The following TRIM44 variants were observed in gnomAD, a reference collection of about 807,000 sequenced individuals.
The protein encoded by TRIM44 is tripartite motif-containing protein 44.
TRIM44 carries 13 observed loss-of-function variants against 37.4 expected under a neutral mutation model. The ratio of observed to expected loss-of-function variants is 0.35; its 90% CI spans 0.23 to 0.55. The LOEUF (loss-of-function observed/expected upper bound fraction) is 0.55. TRIM44 is among the 20% of genes least tolerant of loss of function. TRIM44 has a pLI of 0.89. For missense variants in TRIM44, 426 were observed against 437.2 expected (o/e 0.97, Z 0.23); for synonymous variants, 175 against 157.2 (o/e 1.11, Z -0.85).
intron 2 of TRIM44, among the ~76,000 whole-genome samples, chr11:35,721,876 G>C (rs1487404332): frequency 6.6e-6 from 1 of 152,204 alleles, no homozygotes; most frequent in Non-Finnish European, 1.5e-5. Flanking sequence ...AAAGACACAA[G>C]AAATAGGAGA....
intron 2 of TRIM44, among the ~76,000 whole-genome samples, chr11:35,708,667 A>T (rs1409176216): frequency 1.3e-5 from 2 of 151,716 alleles, no homozygotes; most frequent in Non-Finnish European, 2.9e-5. Context: ...AAGAACAAAA[A>T]ACCAAACACT....
chr11:35,810,602 A>T lies in TRIM44; in HGVS notation c.*4217A>T, dbSNP rs1472247908. 1.3e-5 allele frequency: 2 copies of T among 152,230 alleles called. No individual in the cohort carries two copies. The highest frequency in any genetic ancestry group is 2.9e-5 in the Non-Finnish European group (2 of 68,054). The allele number at this position is 152,230 out of a possible 1,614,324, so 9.4% of individuals were successfully genotyped here. A position where few individuals can be genotyped will look rare whatever the true frequency, so the allele number is the denominator to read the frequency against. On this transcript the variant is annotated 3_prime_UTR_variant, in exon 5 of 5. Transcript: ENST00000299413. ...TAATTTGGAACTGAGAACATACCAGAAACAGCAGAACGAGGGCCAGAGCAG... is the reference window on the plus strand; with the variant it reads ...TAATTTGGAACTGAGAACATACCAGTAACAGCAGAACGAGGGCCAGAGCAG...
Position 35,704,242 on chromosome 11 carries a change from A to G in TRIM44, c.747+18906A>G, listed in dbSNP as rs1412364838. Among the ~76,000 whole-genome samples the G allele has an allele frequency of 2.0e-5, 3 of 152,246 alleles. No individual in the cohort carries two copies. The East Asian group carries it at 5.8e-4, about 29-fold the overall frequency. The stretch of plus-strand genomic sequence containing the variant: ...ATAAAAAGGAACGAACAAAGCCTCC[A>G]TGAAATATGGGACTATGTGAAAAGA... On this transcript the variant is annotated intron_variant, in intron 2 of 4. Coordinates refer to ENST00000299413, the MANE Select transcript of TRIM44 (RefSeq NM_017583.6).
chr11:35,747,163 A>G (rs1374334659), intron 4 of TRIM44, among the ~76,000 whole-genome samples: 1 of 152,206 alleles, frequency 6.6e-6, no homozygotes, highest in Non-Finnish European at 1.5e-5. Flanking sequence ...CTCTCATACA[A>G]AGACTAGTTA....
chr11:35,708,993 A>C (rs12574153), intron 2 of TRIM44, among the ~76,000 whole-genome samples: 18,064 of 134,544 alleles, frequency 0.13, 1,380 homozygotes, highest in Non-Finnish European at 0.18. Context: ...CCCCCCCCCC[A>C]AAAAAAAAGA....
intron 4 of TRIM44, among the ~76,000 whole-genome samples, chr11:35,792,649 A>G (rs1474523404): frequency 6.6e-6 from 1 of 152,224 alleles, no homozygotes; most frequent in Non-Finnish European, 1.5e-5. Context: ...CAGCTGCCAA[A>G]TGTCTTCAGT....
intron 2 of TRIM44, among the ~76,000 whole-genome samples, chr11:35,702,072 A>C (rs1250409163): frequency 6.6e-6 from 1 of 151,980 alleles, no homozygotes. Context: ...AAGGGGTTAT[A>C]TGGGGTAACC....
rs1281048808 is a variant in TRIM44, at chr11:35,742,431, AATATT to A, written c.1007+6993_1007+6997del. ...TCCTAATAATTAATGTTAATATATT[AATATT>A]ATATTAAATATAATTATATTAATTA... On this transcript the variant is annotated intron_variant, in intron 4 of 4. Transcript: ENST00000299413. Among the ~76,000 whole-genome samples the A allele has an allele frequency of 2.1e-5, 3 of 139,894 alleles. No homozygotes were observed. The East Asian group carries it at 6.0e-4, about 28-fold the overall frequency. 91.8% of individuals were successfully genotyped at this position (139,894 alleles called of 152,430 possible).
intron 4 of TRIM44, among the ~76,000 whole-genome samples, chr11:35,754,511 T>C (rs1852602926): frequency 6.6e-6 from 1 of 151,140 alleles, no homozygotes; most frequent in Non-Finnish European, 1.5e-5. Flanking sequence ...TTATTTTTAT[T>C]TTTTTTATTA....
At chr11:35,695,140 T>A (rs1381777226) in intron 2 of TRIM44, among the ~76,000 whole-genome samples, 1 of 152,170 alleles carries the variant, frequency 6.6e-6, no homozygotes, top group East Asian at 1.9e-4. Context: ...AATTTGTAAG[T>A]CACCACACCA....
rs1853598372 is a variant in TRIM44 at position 35,817,994 on chromosome 11, C to T, written c.*11609C>T. 1 of 152,058 alleles carries T rather than the reference C, an allele frequency of 6.6e-6. No homozygotes were observed. The highest frequency in any genetic ancestry group is 2.4e-5 in the African/African-American group (1 of 41,394). The allele number at this position is 152,058 out of a possible 1,614,324, so 9.4% of individuals were successfully genotyped here. ...CTGCAGAACTGTGAGCCAATTAAACCTCTTTATGAATTATGCAGTCTCAGG... is the reference window on the plus strand; with the variant it reads ...CTGCAGAACTGTGAGCCAATTAAACTTCTTTATGAATTATGCAGTCTCAGG... On this transcript the variant is annotated 3_prime_UTR_variant, in exon 5 of 5. Coordinates refer to ENST00000299413, the MANE Select transcript of TRIM44 (RefSeq NM_017583.6).
intron 1 of TRIM44, among the ~76,000 whole-genome samples, chr11:35,683,379 A>G (rs892389808): frequency 6.6e-6 from 1 of 152,168 alleles, no homozygotes; most frequent in African/African-American, 2.4e-5. Flanking sequence ...GTTGTGTCTG[A>G]TTTTTACTGT....
At chr11:35,782,629 AG>A (rs1416981114) in intron 4 of TRIM44, among the ~76,000 whole-genome samples, 2 of 152,094 alleles carry the variant, frequency 1.3e-5, no homozygotes, top group African/African-American at 4.8e-5. Flanking sequence ...ATCATGAGGG[AG>A]GGGTCAGAAG....
chr11:35,781,118 A>C (rs1379814426), intron 4 of TRIM44, among the ~76,000 whole-genome samples: 4 of 152,222 alleles, frequency 2.6e-5, no homozygotes, highest in African/African-American at 9.6e-5. Context: ...TCAAAGGGCC[A>C]AGGAGGTCAC....
At chr11:35,675,598 T>C (rs865811698) in intron 1 of TRIM44, among the ~76,000 whole-genome samples, 1 of 152,210 alleles carries the variant, frequency 6.6e-6, no homozygotes, top group South Asian at 2.1e-4. Flanking sequence ...GTCGGCTCAC[T>C]GCAACCTCCG....
intron 4 of TRIM44, among the ~76,000 whole-genome samples, chr11:35,784,490 G>A (rs185968979): frequency 1.3e-5 from 2 of 152,238 alleles, no homozygotes; most frequent in Non-Finnish European, 1.5e-5. Context: ...ATATTCAGAA[G>A]TTGCCTCTTA....
chr11:35,757,369 T>C (rs1445191409), intron 4 of TRIM44, among the ~76,000 whole-genome samples: 6 of 152,222 alleles, frequency 3.9e-5, no homozygotes, highest in Non-Finnish European at 8.8e-5. Context: ...CATTTTTTAT[T>C]GCGTCTATTT....
At position 35,806,468 on chromosome 11, in the gene TRIM44, GA is replaced by G. The variant is rs1347511235; in HGVS notation, c.*86del. The G allele has an allele frequency of 7.4e-6, 11 of 1,495,556 alleles. No homozygotes were observed. The highest frequency in any genetic ancestry group is 1.0e-5 in the Non-Finnish European group (11 of 1,073,038). 92.6% of individuals were successfully genotyped at this position (1,495,556 alleles called of 1,614,324 possible). On this transcript the variant is annotated 3_prime_UTR_variant, in exon 5 of 5. Transcript: ENST00000299413. Reference sequence around the variant, plus strand: ...GTATGTAACGGCTTCTGATTTCTGTGAAAGCTGCTCAGCAACAAACGTACTT... The same window carrying G: ...GTATGTAACGGCTTCTGATTTCTGTGAAGCTGCTCAGCAACAAACGTACTT...
At chr11:35,700,660 C>T (rs1417478439) in intron 2 of TRIM44, among the ~76,000 whole-genome samples, 3 of 152,146 alleles carry the variant, frequency 2.0e-5, no homozygotes, top group Admixed American at 6.5e-5. Context: ...AGTTATTTTA[C>T]TTTAGGACAA....
Sources: gnomAD v4.1 joint callset for allele counts (sites outside exome capture counted in the v4.1 genomes callset) on GRCh38, gnomAD v4.1.1 for gene constraint, MANE v1.5 for transcripts, NCBI Gene and HGNC (gene_info 2026-07-23, HGNC 2026-07-21) for gene names.